GRID2: variants seen among roughly 807,000 people sequenced by gnomAD.
The protein encoded by GRID2 is glutamate ionotropic receptor delta type subunit 2, also known as glutamate receptor ionotropic, delta-2.
A neutral mutation model predicts 114.8 loss-of-function variants in GRID2; 33 were observed. That is an observed-to-expected ratio of 0.29 (90% CI 0.22 to 0.38). The LOEUF (loss-of-function observed/expected upper bound fraction) is 0.38. GRID2 is among the 10% of genes least tolerant of loss of function. The pLI is 1.00. For missense variants in GRID2, 1,184 were observed against 1,257.7 expected (o/e 0.94, Z 0.89); for synonymous variants, 505 against 449.9 (o/e 1.12, Z -1.55).
At chr4:92,940,240 A>C (rs1202251631) in intron 2 of GRID2, among the ~76,000 whole-genome samples, 4 of 146,688 alleles carry the variant, frequency 2.7e-5, no homozygotes, top group South Asian at 4.6e-4. Context: ...CTTTTATTTC[A>C]TTGAGCAGTG....
intron 2 of GRID2, among the ~76,000 whole-genome samples, chr4:92,866,089 ACT>A (rs769665891): frequency 1.3e-5 from 2 of 151,700 alleles, no homozygotes; most frequent in South Asian, 2.1e-4. Flanking sequence ...TACCTGAAAA[ACT>A]CTCTTGGTCC....
intron 4 of GRID2, among the ~76,000 whole-genome samples, chr4:93,163,487 C>G (rs144710773): frequency 0.41 from 59,914 of 146,110 alleles, 12,604 homozygotes; most frequent in Middle Eastern, 0.6. Context: ...TGGTCTCAAA[C>G]TCCTGGGCTC....
chr4:93,168,101 C>G (rs1738428852), intron 4 of GRID2, among the ~76,000 whole-genome samples: 1 of 151,926 alleles, frequency 6.6e-6, no homozygotes, highest in African/African-American at 2.4e-5. Flanking sequence ...GAGGCTAAGG[C>G]ATAAGAATCA....
chr4:93,778,479 C>A (rs116303246), downstream of GRID2, among the ~76,000 whole-genome samples: 3 of 148,792 alleles, frequency 2.0e-5, no homozygotes, highest in East Asian at 2.1e-4. Context: ...TCCCTGGAAC[C>A]TTTGCCTCCT....
At chr4:93,718,149 T>C (rs2110186952) in intron 14 of GRID2, among the ~76,000 whole-genome samples, 1 of 152,288 alleles carries the variant, frequency 6.6e-6, no homozygotes, top group East Asian at 1.9e-4. Context: ...TTGTAGTTGA[T>C]CAATGAAATA....
At chr4:92,579,151 C>T (rs926703276) in intron 1 of GRID2, among the ~76,000 whole-genome samples, 2 of 152,080 alleles carry the variant, frequency 1.3e-5, no homozygotes, top group Non-Finnish European at 2.9e-5. Context: ...TTTATCCAAA[C>T]GTGACTTTTA....
chr4:93,709,944 T>G lies in GRID2; in HGVS notation c.2361-59266T>G, dbSNP rs112718652. Among the ~76,000 whole-genome samples the G allele has an allele frequency of 5.5e-3, 837 of 152,304 alleles. 7 individuals carry two copies. The highest frequency in any genetic ancestry group is 0.019 in the African/African-American group (794 of 41,574). On this transcript the variant is annotated intron_variant, in intron 14 of 15. Transcript: ENST00000282020. Reference sequence around the variant, plus strand: ...AATTATTTTAATCTCTTTGTTAAATTTATCTGATAGAATTCTGAATTTTTT... The same window carrying G: ...AATTATTTTAATCTCTTTGTTAAATGTATCTGATAGAATTCTGAATTTTTT...
At chr4:92,373,709 A>G (rs1729223425) in intron 1 of GRID2, among the ~76,000 whole-genome samples, 1 of 152,198 alleles carries the variant, frequency 6.6e-6, no homozygotes. Flanking sequence ...AGTACTACTC[A>G]TACAAATTGA....
chr4:92,607,642 A>G (rs1321917675), intron 2 of GRID2, among the ~76,000 whole-genome samples: 1 of 151,906 alleles, frequency 6.6e-6, no homozygotes, highest in Non-Finnish European at 1.5e-5. Context: ...TCATTAAATA[A>G]GTGCTAATGA....
intron 1 of GRID2, among the ~76,000 whole-genome samples, chr4:92,418,147 G>C (rs1288973621): frequency 6.6e-6 from 1 of 152,112 alleles, no homozygotes; most frequent in African/African-American, 2.4e-5. Flanking sequence ...GGTAGATTTG[G>C]TGTTCATACA....
chr4:93,789,013 A>C (rs1734645733), intron 1 of GRID2, among the ~76,000 whole-genome samples: 2 of 152,212 alleles, frequency 1.3e-5, no homozygotes. Flanking sequence ...TGTGTCTTTA[A>C]GGAACAGAGA....
chr4:92,540,267 A>C (rs1725863950), intron 1 of GRID2, among the ~76,000 whole-genome samples: 1 of 152,204 alleles, frequency 6.6e-6, no homozygotes, highest in Non-Finnish European at 1.5e-5. Context: ...CACCAAAAGC[A>C]ACGGCAACAA....
At chr4:92,648,479 A>G (rs576636590) in intron 2 of GRID2, among the ~76,000 whole-genome samples, 25 of 149,894 alleles carry the variant, frequency 1.7e-4, no homozygotes, top group African/African-American at 6.0e-4. Context: ...AACAACATAC[A>G]TTTATCAAGC....
At chr4:93,777,732 G>A (rs1411490490), downstream of GRID2, among the ~76,000 whole-genome samples, 3 of 152,146 alleles carry the variant, frequency 2.0e-5, no homozygotes, top group African/African-American at 4.8e-5. Context: ...TTTACAAGGA[G>A]AAACATATGT....
intron 4 of GRID2, among the ~76,000 whole-genome samples, chr4:93,143,463 T>C (rs897326033): frequency 6.6e-6 from 1 of 152,190 alleles, no homozygotes; most frequent in African/African-American, 2.4e-5. Context: ...GATAAAACTA[T>C]ACATATTCAA....
At chr4:92,856,248 T>C (rs1744170712) in intron 2 of GRID2, among the ~76,000 whole-genome samples, 1 of 152,102 alleles carries the variant, frequency 6.6e-6, no homozygotes, top group African/African-American at 2.4e-5. Context: ...TCTATTATCA[T>C]ATTTTCATTC....
intron 4 of GRID2, among the ~76,000 whole-genome samples, chr4:93,129,525 AGG>A (rs1249383030): frequency 6.6e-6 from 1 of 152,020 alleles, no homozygotes; most frequent in East Asian, 1.9e-4. Context: ...TAGTGCTACT[AGG>A]GGAAAATTCA....
chr4:92,934,322 T>A (rs975224219), intron 2 of GRID2, among the ~76,000 whole-genome samples: 2 of 151,850 alleles, frequency 1.3e-5, no homozygotes, highest in Non-Finnish European at 2.9e-5. Flanking sequence ...ACTCATGGTT[T>A]GGCTCTCTGT....
intron 2 of GRID2, among the ~76,000 whole-genome samples, chr4:92,905,491 A>G (rs1207516791): frequency 2.0e-5 from 3 of 152,092 alleles, no homozygotes; most frequent in Admixed American, 2.0e-4. Context: ...TTAAAATATG[A>G]TTGAATTTTT....
Sources: gnomAD v4.1 joint callset for allele counts (sites outside exome capture counted in the v4.1 genomes callset) on GRCh38, gnomAD v4.1.1 for gene constraint, MANE v1.5 for transcripts, NCBI Gene and HGNC (gene_info 2026-07-23, HGNC 2026-07-21) for gene names.